MCPH1: variants seen among roughly 807,000 people sequenced by gnomAD.
MCPH1 encodes microcephalin 1.
In MCPH1, 104 loss-of-function variants were observed where a neutral mutation model predicts 84.5. That is an observed-to-expected ratio of 1.23 (90% CI 1.05 to 1.45). MCPH1 has a LOEUF of 1.45. Among genes scored for constraint, MCPH1 ranks in the 40% most tolerant of loss-of-function variants. The pLI is 0.00. For synonymous variants in MCPH1, 514 were observed against 366.8 expected, an observed-to-expected ratio of 1.40 and a Z score of -4.58; for missense variants, 1,498 against 1,005.7, an observed-to-expected ratio of 1.49 and a Z score of -6.62.
chr8:6,640,136 T>G (rs1220466375), intron 13 of MCPH1, among the ~76,000 whole-genome samples: 4 of 150,584 alleles, frequency 2.7e-5, no homozygotes, highest in Non-Finnish European at 4.4e-5. Context: ...GTGTGTGTGT[T>G]TTCTAACTGA....
intron 3 of MCPH1, among the ~76,000 whole-genome samples, chr8:6,415,301 T>TTTTTA (rs35982787): frequency 1.3e-5 from 2 of 151,254 alleles, no homozygotes; most frequent in Non-Finnish European, 2.9e-5. Flanking sequence ...TCTTCTTTTT[T>TTTTTA]TTTTGAGACA....
chr8:6,521,424 G>T (rs553535284), intron 12 of MCPH1: 2 of 1,575,038 alleles, frequency 1.3e-6, no homozygotes, highest in African/African-American at 2.7e-5. Flanking sequence ...GTAAGGAAAA[G>T]AATTGTTAGT....
At chr8:6,465,812 T>A (rs958418240) in intron 9 of MCPH1, among the ~76,000 whole-genome samples, 1 of 152,218 alleles carries the variant, frequency 6.6e-6, no homozygotes, top group Non-Finnish European at 1.5e-5. Context: ...TGCACAGCTG[T>A]ACGTATTTGT....
chr8:6,450,774 A>C (rs1355229626), intron 8 of MCPH1, among the ~76,000 whole-genome samples: 1 of 151,940 alleles, frequency 6.6e-6, no homozygotes, highest in African/African-American at 2.4e-5. Flanking sequence ...ATAGGGTCTC[A>C]CTCTGTCACC....
intron 13 of MCPH1, among the ~76,000 whole-genome samples, chr8:6,623,033 T>G (rs2936539): frequency 0.018 from 2,581 of 144,516 alleles, 64 homozygotes; most frequent in African/African-American, 0.066. Flanking sequence ...TTTTTTTTTT[T>G]GTAGAGATGG....
intron 13 of MCPH1, 111 bp downstream of exon 13, chr8:6,621,802 T>A: frequency 1.4e-6 from 2 of 1,436,346 alleles, no homozygotes; most frequent in Non-Finnish European, 1.9e-6. Context: ...GGCACCTGGG[T>A]TGATGTCTCA....
intron 9 of MCPH1, among the ~76,000 whole-genome samples, chr8:6,459,411 G>T (rs1806035611): frequency 6.6e-6 from 1 of 152,150 alleles, no homozygotes; most frequent in South Asian, 2.1e-4. Context: ...AGGTAGTTGG[G>T]ACTACAGGTG....
intron 2 of MCPH1, among the ~76,000 whole-genome samples, chr8:6,410,183 C>T (rs1250806709): frequency 6.6e-6 from 1 of 151,378 alleles, no homozygotes; most frequent in East Asian, 1.9e-4. Context: ...ACCATGTTGG[C>T]CAGGATGGTC....
At chr8:6,524,825 A>G (rs921996603) in intron 12 of MCPH1, among the ~76,000 whole-genome samples, 6 of 152,204 alleles carry the variant, frequency 3.9e-5, no homozygotes, top group African/African-American at 1.4e-4. Context: ...TCATGGTTTC[A>G]CTGAAGAGAA....
intron 12 of MCPH1, among the ~76,000 whole-genome samples, chr8:6,560,126 T>A (rs1563128066): frequency 6.6e-6 from 1 of 152,210 alleles, no homozygotes; most frequent in Non-Finnish European, 1.5e-5. Context: ...TGACACATGT[T>A]TTAATTTCCT....
intron 7 of MCPH1, among the ~76,000 whole-genome samples, chr8:6,443,941 G>A (rs1054647803): frequency 1.3e-5 from 2 of 152,118 alleles, no homozygotes. Flanking sequence ...AGTGTAATAC[G>A]AGGACTTTAC....
intron 12 of MCPH1, among the ~76,000 whole-genome samples, chr8:6,573,314 G>T (rs1826816246): frequency 6.6e-6 from 1 of 152,046 alleles, no homozygotes; most frequent in Non-Finnish European, 1.5e-5. Context: ...AGTAATTCAG[G>T]TTAGATATTA....
At chr8:6,507,997 G>C (rs1186942552) in intron 12 of MCPH1, 1 of 152,094 alleles carries the variant, frequency 6.6e-6, no homozygotes, top group Non-Finnish European at 1.5e-5. Flanking sequence ...TATGAGTGTG[G>C]TTTTCATTGT....
intron 12 of MCPH1, among the ~76,000 whole-genome samples, chr8:6,542,007 CAAAAA>C (rs764731302): frequency 1.7e-5 from 1 of 57,236 alleles, no homozygotes; most frequent in Non-Finnish European, 3.8e-5. Context: ...GACTCAATCT[CAAAAA>C]AAAAAAAAAA....
At chr8:6,462,578 G>A (rs1343866519) in intron 9 of MCPH1, among the ~76,000 whole-genome samples, 1 of 152,130 alleles carries the variant, frequency 6.6e-6, no homozygotes, top group East Asian at 1.9e-4. Flanking sequence ...CTTCTCCAAG[G>A]CTGTGCATGG....
intron 12 of MCPH1, among the ~76,000 whole-genome samples, chr8:6,510,856 T>A (rs1814916842): frequency 6.6e-6 from 1 of 152,226 alleles, no homozygotes; most frequent in East Asian, 1.9e-4. Flanking sequence ...TCCTAAGGCA[T>A]GAACTGGACA....
intron 12 of MCPH1, chr8:6,503,114 G>T: frequency 1.2e-6 from 2 of 1,614,150 alleles, no homozygotes; most frequent in Non-Finnish European, 1.7e-6. Context: ...GAAATCTGCT[G>T]GTCGGATCAT....
At chr8:6,585,851 G>T (rs955364949) in intron 12 of MCPH1, among the ~76,000 whole-genome samples, 1 of 152,208 alleles carries the variant, frequency 6.6e-6, no homozygotes, top group Non-Finnish European at 1.5e-5. Context: ...TTGCACGGAA[G>T]CTGGCCAACA....
chr8:6,473,735 G>T, intron 9 of MCPH1: 1 of 538,032 alleles, frequency 1.9e-6, no homozygotes, highest in Non-Finnish European at 3.1e-6. Context: ...CCGCCTGCTG[G>T]TCCTGCAACA....
Sources: allele counts gnomAD v4.1 joint callset (sites outside exome capture counted in the v4.1 genomes callset), GRCh38; gene constraint gnomAD v4.1.1; transcripts MANE v1.5; gene names NCBI Gene and HGNC (gene_info 2026-07-23, HGNC 2026-07-21).